CHTF18: variants seen among roughly 807,000 people sequenced by gnomAD.
CHTF18 encodes the protein chromosome transmission fidelity protein 18 homolog.
CHTF18 carries 151 observed loss-of-function variants against 113.4 expected under a neutral mutation model. The ratio of observed to expected loss-of-function variants is 1.33; its 90% CI spans 1.17 to 1.52. The LOEUF is 1.52. CHTF18 is among the 40% of genes most tolerant of loss of function. The probability of loss-of-function intolerance (pLI) is 0.00; values close to 1 mark genes in which losing one functional copy is unlikely to be tolerated. For missense variants in CHTF18, 1,982 were observed against 1,381.6 expected (o/e 1.43, Z -6.89); for synonymous variants, 916 against 598.8 (o/e 1.53, Z -7.74).
intron 8 of CHTF18, 112 bp from the exon 9 acceptor site, chr16:791,739 G>A (rs533252524): frequency 6.8e-7 from 1 of 1,465,946 alleles, no homozygotes; most frequent in Non-Finnish European, 9.0e-7. Context: ...TGGCTGGAGT[G>A]GGGTGGAGGG....
In CHTF18 at chr16:791,514, A is replaced by G. The variant is rs373518407; in HGVS notation, c.1104+144A>G. The G allele has an allele frequency of 4.9e-6, 7 of 1,438,972 alleles. No individual in the cohort carries two copies. In the African/African-American group the frequency reaches 5.7e-5, roughly 12 times the overall value. 89.1% of individuals were successfully genotyped at this position (1,438,972 alleles called of 1,614,324 possible). Reference sequence around the variant, plus strand: ...GCGTGAAGCGCCATTAGCGTGAGTTAGAACTGGAGCGTTGCAGTAACAACT... The same window carrying G: ...GCGTGAAGCGCCATTAGCGTGAGTTGGAACTGGAGCGTTGCAGTAACAACT... On this transcript the variant is annotated intron_variant, in intron 8 of 21. Transcript: ENST00000262315.
At chr16:790,297 G>GGTGGC (rs1567393450) in intron 5 of CHTF18, 28 bp downstream of exon 5, 2 of 1,609,258 alleles carry the variant, frequency 1.2e-6, no homozygotes, top group Non-Finnish European at 1.7e-6. Context: ...GCTGGGGGGC[G>GGTGGC]GTGGCGGGGC....
At position 791,169 on chromosome 16, in the gene CHTF18, C is replaced by T; in HGVS notation, c.903C>T (p.Asn301=). The change falls in exon 8 of 22, where the codon AAC becomes AAT. Residue 301 remains asparagine (N), a synonymous_variant. Transcript: ENST00000262315. ...YTELLSDDFT[N]RCLLKWLKLW... Reference sequence around the variant, plus strand: ...TCCCGTCCTTCCCGCAGTTCACCAACCGCTGCCTGCTCAAGTGGCTGAAGT... The same window carrying T: ...TCCCGTCCTTCCCGCAGTTCACCAATCGCTGCCTGCTCAAGTGGCTGAAGT... The T allele has an allele frequency of 4.3e-6, 7 of 1,610,638 alleles. No homozygotes were observed. Among genetic ancestry groups the T allele is most frequent in the African/African-American group, 1.3e-5 (1 of 75,050 alleles).
rs545557825 is a variant in CHTF18, at chr16:788,655, T to C, written c.-30T>C. On this transcript the variant is annotated 5_prime_UTR_variant, in exon 1 of 22. Coordinates refer to ENST00000262315, the MANE Select transcript of CHTF18 (RefSeq NM_022092.3). The stretch of plus-strand genomic sequence containing the variant: ...CGACGGCGGCGGCGGCGCGGGAGGT[T>C]CGGAGCGGGAGCTCGGGCTCGCGGA... The C allele has an allele frequency of 1.3e-6, 2 of 1,488,700 alleles. No individual in the cohort carries two copies. Among genetic ancestry groups the C allele is most frequent in the South Asian group, 2.6e-5 (2 of 77,564 alleles). 92.2% of individuals were successfully genotyped at this position (1,488,700 alleles called of 1,614,324 possible).
chr16:792,774 C>T lies in CHTF18; in HGVS notation c.1535C>T (p.Pro512Leu), dbSNP rs777096282. 1.0e-5 allele frequency: 16 copies of T among 1,546,818 alleles called. No homozygotes were observed. Among genetic ancestry groups the T allele is most frequent in the Middle Eastern group, 3.3e-4 (2 of 6,014 alleles). ...CAGGCCTTCCTGCTCCACTTCCCGC[C>T]GACTCTGCCCTCGAGGCTGGTGCAG... is the stretch of plus-strand genomic sequence containing the variant. ...KQQAFLLHFP[P>L]TLPSRLVQRL... Residue 512 changes from proline (P) to leucine (L), a missense_variant, in exon 12 of 22, where the codon CCG becomes CTG. Pro to Leu is a moderately conservative substitution (Grantham distance 98, BLOSUM62 -3). Transcript: ENST00000262315.
chr16:789,024 C>A lies in CHTF18; in HGVS notation c.185C>A (p.Ala62Asp). ...GAGGCCCTTGCCAGAGGGGACGCGG[C>A]CTCCAGTCCCGCCCCAGCCGCATCT... ...FEEALARGDA[A>D]SSPAPAASVG... The change falls in exon 2 of 22, where the codon GCC becomes GAC. Residue 62 changes from alanine (A) to aspartate (D), a missense_variant. Physicochemically the swap from Ala to Asp is moderately radical, Grantham distance 126. Coordinates refer to ENST00000262315, the MANE Select transcript of CHTF18 (RefSeq NM_022092.3). The A allele has an allele frequency of 2.6e-6, 4 of 1,534,438 alleles. No individual in the cohort carries two copies. Among genetic ancestry groups the A allele is most frequent in the South Asian group, 1.2e-5 (1 of 83,458 alleles).
chr16:791,636 CTG>C, intron 8 of CHTF18: 1 of 1,430,354 alleles, frequency 7.0e-7, no homozygotes, highest in Non-Finnish European at 9.1e-7. Flanking sequence ...CTGGTATCAG[CTG>C]TGTTTTGTCT....
At chr16:797,210 G>A (rs936718233) in intron 20 of CHTF18, 118 bp downstream of exon 20, 5 of 1,245,944 alleles carry the variant, frequency 4.0e-6, no homozygotes, top group Non-Finnish European at 5.3e-6. Context: ...ACCTTTGTGG[G>A]TGTGGCTAGG....
Position 794,124 on chromosome 16 carries a change from C to T in CHTF18, c.1873C>T (p.Leu625Phe). 6.2e-7 allele frequency: 1 copy of T among 1,612,454 alleles called. No homozygotes were observed. The highest frequency in any genetic ancestry group is 8.5e-7 in the Non-Finnish European group (1 of 1,179,762). The change falls in exon 15 of 22, where the codon CTC becomes TTC. Residue 625 changes from leucine (L) to phenylalanine (F), a missense_variant. Transcript: ENST00000262315. Reference sequence around the variant, plus strand: ...GCTGGGTGACGGGGACGCGGGCTCCCTCACCTCCGCCTCACAGCGATTCTA... The same window carrying T: ...GCTGGGTGACGGGGACGCGGGCTCCTTCACCTCCGCCTCACAGCGATTCTA... ...LLLGDGDAGSLTSASQRFYRV... is the reference protein window; with the variant it reads ...LLLGDGDAGSFTSASQRFYRV...
At position 791,342 on chromosome 16, in the gene CHTF18, T is replaced by TGGACC; in HGVS notation, c.1077_1081dup (p.Pro361ArgfsTer28). 6.2e-7 allele frequency: 1 copy of TGGACC among 1,606,800 alleles called. No individual in the cohort carries two copies. The highest frequency in any genetic ancestry group is 8.5e-7 in the Non-Finnish European group (1 of 1,178,698). ...CTGGAGGAGATGCTGGAGGCTGGGCTGGACCCGAGCCAGCGACCGAAGCAG... is the reference window on the plus strand; with the variant it reads ...CTGGAGGAGATGCTGGAGGCTGGGCTGGACCGGACCCGAGCCAGCGACCGAAGCAG... On this transcript the variant is annotated frameshift_variant, in exon 8 of 22. Transcript: ENST00000262315. LOFTEE classifies it high-confidence loss of function.
rs2042077433 is a variant in CHTF18, at chr16:788,971, C to T, written c.132C>T (p.Thr44=). The change falls in exon 2 of 22, where the codon ACC becomes ACT. Residue 44 remains threonine, a synonymous_variant. Coordinates refer to ENST00000262315, the MANE Select transcript of CHTF18 (RefSeq NM_022092.3). ...TPSPSGVPLF[T]AGRPPRTFEE... ...CGCCCTCCGGGGTCCCCCTGTTCAC[C>T]GCGGGCCGACCCCCGCGGACGTTCG... 5 of 1,568,310 alleles carry T rather than the reference C, an allele frequency of 3.2e-6. No individual in the cohort carries two copies. The highest frequency in any genetic ancestry group is 3.4e-6 in the Non-Finnish European group (4 of 1,164,494).
In CHTF18 at chr16:788,691, G is replaced by A. The variant is rs765450193; in HGVS notation, c.7G>A (p.Asp3Asn). 5.3e-5 allele frequency: 85 copies of A among 1,592,960 alleles called. No individual in the cohort carries two copies. The highest frequency in any genetic ancestry group is 6.8e-5 in the African/African-American group (5 of 73,186). ...GCTCGGGCTCGCGGACGGTATGGAGGACTACGAGCAGGAGCTGTGCGGCGT... is the reference window on the plus strand; with the variant it reads ...GCTCGGGCTCGCGGACGGTATGGAGAACTACGAGCAGGAGCTGTGCGGCGT... ME[D>N]YEQELCGVED... The change falls in exon 1 of 22, where the codon GAC (aspartate) becomes AAC (asparagine). Residue 3 changes from aspartate (D) to asparagine (N), a missense_variant. Coordinates refer to ENST00000262315, the MANE Select transcript of CHTF18 (RefSeq NM_022092.3).
At chr16:797,655 A>G (rs965489722) in intron 20 of CHTF18, 39 bp from the exon 21 acceptor site, 14 of 1,604,510 alleles carry the variant, frequency 8.7e-6, no homozygotes, top group Non-Finnish European at 1.2e-5. Context: ...TGGATGGGGC[A>G]TCTGTCCTAT....
chr16:791,924 A>C lies in CHTF18; in HGVS notation c.1178A>C (p.Tyr393Ser). Residue 393 changes from tyrosine (Y) to serine (S), a missense_variant, in exon 9 of 22, where the codon TAC becomes TCC. Transcript: ENST00000262315. ...LAHVIARHAGYSVVEMNASDD... is the reference protein window; with the variant it reads ...LAHVIARHAGSSVVEMNASDD... ...CACGTGATTGCGCGTCACGCGGGGT[A>C]CTCTGTGGTGGAGATGAACGCCAGG... 4 of 1,609,210 alleles carry C rather than the reference A, an allele frequency of 2.5e-6. No homozygotes were observed. The highest frequency in any genetic ancestry group is 3.4e-6 in the Non-Finnish European group (4 of 1,178,568).
Position 796,779 on chromosome 16 carries a change from C to A in CHTF18, c.2519C>A (p.Thr840Lys). 6.2e-7 allele frequency: 1 copy of A among 1,610,066 alleles called. No individual in the cohort carries two copies. Among genetic ancestry groups the A allele is most frequent in the Non-Finnish European group, 8.5e-7 (1 of 1,179,622 alleles). Residue 840 changes from threonine to lysine, a missense_variant, in exon 19 of 22, where the codon ACG becomes AAG. Physicochemically the swap from Thr to Lys is moderately conservative, Grantham distance 78. Coordinates refer to ENST00000262315, the MANE Select transcript of CHTF18 (RefSeq NM_022092.3). ...LPARKPLTYQ[T>K]KQLIAREIEV... ...GCCCGCAAGCCCCTCACCTACCAGA[C>A]GAAGCAGCTCATCGCCCGCGAGATC...
At chr16:796,141 G>T in intron 18 of CHTF18, 64 bp downstream of exon 18, 1 of 1,545,306 alleles carries the variant, frequency 6.5e-7, no homozygotes, top group Non-Finnish European at 8.7e-7. Context: ...TCCATGTTCA[G>T]GGCCCGCATG....
chr16:789,571 G>GAGTGTA lies in CHTF18; in HGVS notation c.462_463insAGTGTA (p.Val154_Gly155insSerVal). 6.2e-7 allele frequency: 1 copy of GAGTGTA among 1,600,680 alleles called. No homozygotes were observed. Among genetic ancestry groups the GAGTGTA allele is most frequent in the Admixed American group, 1.7e-5 (1 of 58,668 alleles). The stretch of plus-strand genomic sequence containing the variant: ...GAGTCTCAGAAGCTGCTGCCGACGT[G>GAGTGTA]GGTCTCACACGGGCCTCACCAGCTG... On this transcript the variant is annotated inframe_insertion, in exon 4 of 22. Coordinates refer to ENST00000262315, the MANE Select transcript of CHTF18 (RefSeq NM_022092.3).
At chr16:791,980 C>A in intron 9 of CHTF18, 32 bp downstream of exon 9, 1 of 1,582,764 alleles carries the variant, frequency 6.3e-7, no homozygotes, top group South Asian at 1.2e-5. Flanking sequence ...TCTGGCTCGC[C>A]TTCTGTCCTG....
chr16:788,812 G>A (rs946768827), intron 1 of CHTF18, 37 bp downstream of exon 1: 8 of 1,568,824 alleles, frequency 5.1e-6, no homozygotes, highest in Admixed American at 1.9e-5. Context: ...GAGGAGCTGC[G>A]AAAGCCGGGA....
Sources: allele counts gnomAD v4.1 joint callset, GRCh38; gene constraint gnomAD v4.1.1; transcripts MANE v1.5; gene names NCBI Gene and HGNC (gene_info 2026-07-23, HGNC 2026-07-21).